The following CORO2B variants were observed in gnomAD, a reference collection of about 807,000 sequenced individuals.
CORO2B encodes coronin 2B.
Under a neutral mutation model 58.8 loss-of-function variants are expected in CORO2B, and 26 were observed. The observed-to-expected ratio is 0.44, with a 90% confidence interval of 0.32 to 0.61. The LOEUF (loss-of-function observed/expected upper bound fraction) is 0.61. Ranked by LOEUF, CORO2B falls within the 20% of genes least tolerant of loss-of-function variation. The probability of loss-of-function intolerance (pLI) is 0.04; values close to 1 mark genes in which losing one functional copy is unlikely to be tolerated. For missense variants in CORO2B, 460 were observed against 645.1 expected (o/e 0.71, Z 3.11); for synonymous variants, 242 against 253.8 (o/e 0.95, Z 0.44).
chr15:68,587,684 C>A (rs1208787830), intron 1 of CORO2B, among the ~76,000 whole-genome samples: 1 of 152,216 alleles, frequency 6.6e-6, no homozygotes, highest in African/African-American at 2.4e-5. Context: ...TTATGCCAAG[C>A]ATATACAATA....
At chr15:68,556,236 C>T in the CORO2B span, among the ~76,000 whole-genome samples, 2 of 152,266 alleles carry the variant, frequency 1.3e-5, no homozygotes, top group African/African-American at 4.8e-5. Flanking sequence ...GGGTGATGAG[C>T]GCTGGGGCCA....
intron 1 of CORO2B, among the ~76,000 whole-genome samples, chr15:68,608,174 A>G (rs1900168239): frequency 6.6e-6 from 1 of 152,250 alleles, no homozygotes; most frequent in Non-Finnish European, 1.5e-5. Context: ...AACCCAAACC[A>G]GACATGGGGG....
chr15:68,577,246 T>A (rs953008668), upstream of CORO2B, among the ~76,000 whole-genome samples: 16 of 152,068 alleles, frequency 1.1e-4, no homozygotes, highest in African/African-American at 3.4e-4. Flanking sequence ...GACCCTGCAG[T>A]TCACGGATTC....
At chr15:68,532,859 A>G in the CORO2B span, among the ~76,000 whole-genome samples, 1 of 152,206 alleles carries the variant, frequency 6.6e-6, no homozygotes, top group Non-Finnish European at 1.5e-5. Flanking sequence ...GGCAATCAAT[A>G]AGAACTTTCC....
chr15:68,701,928 A>C (rs894934079), intron 3 of CORO2B, among the ~76,000 whole-genome samples: 1 of 151,882 alleles, frequency 6.6e-6, no homozygotes, highest in Non-Finnish European at 1.5e-5. Context: ...CTTTTCCTTA[A>C]GTGAGGGCCC....
intron 1 of CORO2B, among the ~76,000 whole-genome samples, chr15:68,617,368 T>C (rs189829131): frequency 9.8e-5 from 15 of 152,382 alleles, no homozygotes; most frequent in African/African-American, 3.6e-4. Context: ...TTCTGTTTAA[T>C]GTATCCTTTG....
In CORO2B at chr15:68,718,750, C is replaced by T. The variant is rs1268431488; in HGVS notation, c.1020C>T (p.Phe340=). ...TGTCAGCCTGCGAGGTGTTCCGCTT[C>T]TACAAGCTGGTGACTCTCAAGGGCC... is the stretch of plus-strand genomic sequence containing the variant. The part of the protein sequence containing the change: ...LDVSACEVFR[F]YKLVTLKGLI... Residue 340 remains phenylalanine (F), a synonymous_variant, in exon 9 of 12, where the codon TTC becomes TTT. Transcript: ENST00000261861. 2 of 1,614,206 alleles carry T rather than the reference C, an allele frequency of 1.2e-6. No individual in the cohort carries two copies. The highest frequency in any genetic ancestry group is 1.1e-5 in the South Asian group (1 of 91,084).
At chr15:68,597,691 A>G (rs559455526) in intron 1 of CORO2B, among the ~76,000 whole-genome samples, 1 of 152,260 alleles carries the variant, frequency 6.6e-6, no homozygotes, top group East Asian at 1.9e-4. Flanking sequence ...CTCCATTGCT[A>G]TGGAGCTCAG....
Position 68,697,409 on chromosome 15 carries a change from A to G in CORO2B, c.333+2153A>G, listed in dbSNP as rs571727047. ...ATGAACAAGTAAATTAATATAGTCC[A>G]TCTAATCAGTTATCCAAAGAAAGAA... On this transcript the variant is annotated intron_variant, in intron 3 of 11. Transcript: ENST00000261861. Among the ~76,000 whole-genome samples, 40 of 152,376 alleles carry G rather than the reference A, an allele frequency of 2.6e-4. 1 individual carries two copies. Among genetic ancestry groups the G allele is most frequent in the African/African-American group, 8.4e-4 (35 of 41,590 alleles).
chr15:68,706,588 C>T (rs1892791419), intron 3 of CORO2B, among the ~76,000 whole-genome samples: 1 of 152,248 alleles, frequency 6.6e-6, no homozygotes, highest in Non-Finnish European at 1.5e-5. Flanking sequence ...CAGTATGAGA[C>T]ATCCCTAGAC....
intron 1 of CORO2B, among the ~76,000 whole-genome samples, chr15:68,631,358 A>G (rs1052496621): frequency 6.6e-6 from 1 of 152,232 alleles, no homozygotes; most frequent in African/African-American, 2.4e-5. Flanking sequence ...CAAAAAGTTT[A>G]TGAACTTGTC....
At chr15:68,550,000 G>A in the CORO2B span, among the ~76,000 whole-genome samples, 1 of 126,720 alleles carries the variant, frequency 7.9e-6, no homozygotes, top group Non-Finnish European at 1.7e-5. Flanking sequence ...TGGTGACCGT[G>A]GGCAAGTTAC....
At chr15:68,667,486 A>G (rs1902232147) in intron 2 of CORO2B, among the ~76,000 whole-genome samples, 1 of 152,244 alleles carries the variant, frequency 6.6e-6, no homozygotes, top group Non-Finnish European at 1.5e-5. Flanking sequence ...GCCAGAGTTC[A>G]GCCCAAATAC....
At chr15:68,689,088 T>G (rs914667894) in intron 2 of CORO2B, among the ~76,000 whole-genome samples, 5 of 146,356 alleles carry the variant, frequency 3.4e-5, no homozygotes, top group South Asian at 2.4e-4. Flanking sequence ...ACAGCTGCGA[T>G]TCAACATTTG....
At chr15:68,554,153 G>C in the CORO2B span, among the ~76,000 whole-genome samples, 1 of 152,162 alleles carries the variant, frequency 6.6e-6, no homozygotes, top group Non-Finnish European at 1.5e-5. Flanking sequence ...CTGAGTATGG[G>C]GAGACAGAGA....
At chr15:68,684,766 C>A (rs1902907146) in intron 2 of CORO2B, among the ~76,000 whole-genome samples, 1 of 152,176 alleles carries the variant, frequency 6.6e-6, no homozygotes, top group Non-Finnish European at 1.5e-5. Context: ...AATGTCTGTG[C>A]AAGTGTTGAG....
At chr15:68,693,261 A>C (rs575659357) in intron 2 of CORO2B, among the ~76,000 whole-genome samples, 1 of 152,330 alleles carries the variant, frequency 6.6e-6, no homozygotes, top group South Asian at 2.1e-4. Context: ...ATGAGCCGAC[A>C]GAGATGCAGG....
the CORO2B span, among the ~76,000 whole-genome samples, chr15:68,541,999 T>A: frequency 6.6e-6 from 1 of 152,176 alleles, no homozygotes; most frequent in East Asian, 1.9e-4. Context: ...GCCTGGAAAC[T>A]CTCTCAAGGC....
chr15:68,686,025 T>G (rs1337457749), intron 2 of CORO2B, among the ~76,000 whole-genome samples: 1 of 150,584 alleles, frequency 6.6e-6, no homozygotes, highest in Admixed American at 6.6e-5. Context: ...CTTCTGTTTT[T>G]TTTTTTTTTT....
Sources: allele counts gnomAD v4.1 joint callset (sites outside exome capture counted in the v4.1 genomes callset), GRCh38; gene constraint gnomAD v4.1.1; transcripts MANE v1.5; gene names NCBI Gene and HGNC (gene_info 2026-07-23, HGNC 2026-07-21).